The following DOP1B variants were observed in gnomAD, a reference collection of about 807,000 sequenced individuals.
DOP1B encodes DOP1 leucine zipper like protein B, also known as protein DOP1B.
DOP1B carries 174 observed loss-of-function variants against 233.5 expected under a neutral mutation model. The observed-to-expected ratio is 0.75, with a 90% CI of 0.66 to 0.85. The LOEUF is 0.85. DOP1B is among the 40% of genes least tolerant of loss of function. The pLI, the probability that DOP1B is intolerant of heterozygous loss-of-function variation, is 0.00. For synonymous variants in DOP1B, 1,190 were observed against 1,185.6 expected (o/e 1.00, Z -0.08); for missense variants, 2,652 against 2,846.6 (o/e 0.93, Z 1.56).
At chr21:36,233,235 C>G (rs566343093) in intron 15 of DOP1B, among the ~76,000 whole-genome samples, 160 bp downstream of exon 15, 19 of 152,310 alleles carry the variant, frequency 1.2e-4, no homozygotes, top group Admixed American at 1.1e-3. Flanking sequence ...CCTCTCCCAG[C>G]ATGTAACTTT....
At chr21:36,160,469 TAA>T (rs2065859011) in intron 1 of DOP1B, among the ~76,000 whole-genome samples, 1 of 146,032 alleles carries the variant, frequency 6.8e-6, no homozygotes, top group Non-Finnish European at 1.5e-5. Flanking sequence ...GGTTCTATTT[TAA>T]GTTTTCTTTT....
intron 4 of DOP1B, among the ~76,000 whole-genome samples, chr21:36,203,743 A>C (rs2066398229): frequency 6.6e-6 from 1 of 152,016 alleles, no homozygotes; most frequent in Non-Finnish European, 1.5e-5. Flanking sequence ...ATGTAGGTGG[A>C]GGCTGTCCCT....
At position 36,235,303 on chromosome 21, in the gene DOP1B, A is replaced by C. The variant is rs968587761; in HGVS notation, c.2623-1959A>C. On this transcript the variant is annotated intron_variant, in intron 15 of 36. Coordinates refer to ENST00000691173, the MANE Select transcript of DOP1B (RefSeq NM_001320714.2). ...TCACATACCAGAGTTCCTGCTTCCCACAGTGCAAACAAGAAAAGGTCAGAT... is the reference window on the plus strand; with the variant it reads ...TCACATACCAGAGTTCCTGCTTCCCCCAGTGCAAACAAGAAAAGGTCAGAT... 1.8e-4 allele frequency among the ~76,000 whole-genome samples: 28 copies of C among 152,236 alleles called. 1 individual carries two copies. Among genetic ancestry groups the C allele is most frequent in the Admixed American group, 1.8e-3 (27 of 15,286 alleles).
At chr21:36,183,580 TG>T (rs1395189969) in intron 2 of DOP1B, among the ~76,000 whole-genome samples, 1 of 152,252 alleles carries the variant, frequency 6.6e-6, no homozygotes, top group East Asian at 1.9e-4. Flanking sequence ...GAGTGGTTTC[TG>T]GCTGGGAGCA....
Position 36,262,008 on chromosome 21 carries a change from T to TC in DOP1B, c.5315+1278dup, listed in dbSNP as rs1458402292. 1.0e-5 allele frequency: 10 copies of TC among 975,726 alleles called. No homozygotes were observed. The East Asian group carries it at 8.0e-4, about 78-fold the overall frequency. The allele number at this position is 975,726 out of a possible 1,614,324, so 60.4% of individuals were successfully genotyped here. On this transcript the variant is annotated intron_variant, in intron 24 of 36. Coordinates refer to ENST00000691173, the MANE Select transcript of DOP1B (RefSeq NM_001320714.2). Reference sequence around the variant, plus strand: ...CATCAGGAGTCTCACTGTAAATAACTCCAACAACCAGGCACAGGCTCCTTG... The same window carrying TC: ...CATCAGGAGTCTCACTGTAAATAACTCCCAACAACCAGGCACAGGCTCCTTG...
chr21:36,247,413 A>AT (rs2066979625), intron 19 of DOP1B, 104 bp from the exon 20 acceptor site: 1 of 601,226 alleles, frequency 1.7e-6, no homozygotes, highest in East Asian at 3.0e-5. Context: ...TTTATTTGGG[A>AT]TGGTGATCTC....
chr21:36,272,648 T>A (rs1365636385), intron 27 of DOP1B, among the ~76,000 whole-genome samples: 6 of 79,832 alleles, frequency 7.5e-5, no homozygotes, highest in South Asian at 3.8e-4. Context: ...AAACTCCATC[T>A]CAAAAAAAAA....
intron 21 of DOP1B, among the ~76,000 whole-genome samples, chr21:36,250,293 G>A (rs569747415): frequency 4.6e-5 from 7 of 152,302 alleles, no homozygotes; most frequent in Non-Finnish European, 7.4e-5. Context: ...CCGTCTCTTC[G>A]ACAGACATTT....
intron 22 of DOP1B, 151 bp downstream of exon 22, chr21:36,251,435 T>A: frequency 8.0e-7 from 1 of 1,257,282 alleles, no homozygotes; most frequent in Non-Finnish European, 1.0e-6. Flanking sequence ...CTTTATCTAT[T>A]TGAGATGGAG....
At chr21:36,283,289 G>T (rs2067439773) in intron 32 of DOP1B, among the ~76,000 whole-genome samples, 1 of 152,020 alleles carries the variant, frequency 6.6e-6, no homozygotes, top group Admixed American at 6.6e-5. Flanking sequence ...CACCATGTTG[G>T]CCAGGCTGGT....
intron 2 of DOP1B, among the ~76,000 whole-genome samples, chr21:36,182,298 G>T (rs1223328942): frequency 6.6e-6 from 1 of 152,060 alleles, no homozygotes; most frequent in Non-Finnish European, 1.5e-5. Context: ...AGTTATATTT[G>T]GGGATCAGGT....
chr21:36,292,254 T>TTA, intron 36 of DOP1B, 21 bp downstream of exon 36: 1 of 1,514,106 alleles, frequency 6.6e-7, no homozygotes, highest in Non-Finnish European at 8.8e-7. Context: ...TTCTTTTCTT[T>TTA]TCTTTTTTTT....
chr21:36,264,290 A>G (rs368469904), intron 26 of DOP1B, among the ~76,000 whole-genome samples: 23 of 152,190 alleles, frequency 1.5e-4, no homozygotes, highest in African/African-American at 5.3e-4. Flanking sequence ...TGTGATAGCT[A>G]CACCTATAGT....
At chr21:36,277,393 C>A (rs928635133) in intron 28 of DOP1B, among the ~76,000 whole-genome samples, 1 of 151,982 alleles carries the variant, frequency 6.6e-6, no homozygotes, top group Non-Finnish European at 1.5e-5. Context: ...AGCGATTCCG[C>A]TGCCTCAGCC....
chr21:36,222,846 C>T (rs1484220738), intron 10 of DOP1B, among the ~76,000 whole-genome samples: 2 of 151,934 alleles, frequency 1.3e-5, no homozygotes, highest in Non-Finnish European at 1.5e-5. Context: ...GGCGATTCTC[C>T]CACTTCAGCC....
At chr21:36,287,118 A>G (rs2067494335) in intron 32 of DOP1B, among the ~76,000 whole-genome samples, 2 of 152,332 alleles carry the variant, frequency 1.3e-5, no homozygotes, top group African/African-American at 4.8e-5. Flanking sequence ...CTCATTCTAC[A>G]AACAAGACAT....
intron 2 of DOP1B, among the ~76,000 whole-genome samples, chr21:36,195,480 G>A (rs2066280628): frequency 6.6e-6 from 1 of 152,064 alleles, no homozygotes; most frequent in Non-Finnish European, 1.5e-5. Flanking sequence ...GTTGCAGTGA[G>A]TTGCAATCAC....
At chr21:36,279,200 C>T (rs1005648842) in intron 30 of DOP1B, among the ~76,000 whole-genome samples, 1 of 151,436 alleles carries the variant, frequency 6.6e-6, no homozygotes, top group African/African-American at 2.4e-5. Context: ...TGCTTGAGCC[C>T]AGGAGTTGGA....
At chr21:36,271,032 A>G (rs2067282478) in intron 27 of DOP1B, among the ~76,000 whole-genome samples, 1 of 151,910 alleles carries the variant, frequency 6.6e-6, no homozygotes, top group African/African-American at 2.4e-5. Context: ...GAAAACATAT[A>G]TCAAAACATC....
Sources: gnomAD v4.1 joint callset for allele counts (sites outside exome capture counted in the v4.1 genomes callset) on GRCh38, gnomAD v4.1.1 for gene constraint, MANE v1.5 for transcripts, NCBI Gene and HGNC (gene_info 2026-07-23, HGNC 2026-07-21) for gene names.